The following CCNA1 variants were observed in gnomAD, a reference collection of about 807,000 sequenced individuals.
The protein encoded by CCNA1 is cyclin-A1.
A neutral mutation model predicts 54.1 loss-of-function variants in CCNA1; 23 were observed. That is an observed-to-expected ratio of 0.42 (90% CI 0.31 to 0.60). The LOEUF is 0.60. Ranked by LOEUF, CCNA1 falls within the 20% of genes least tolerant of loss-of-function variation. The probability of loss-of-function intolerance (pLI) is 0.14; values close to 1 mark genes in which losing one functional copy is unlikely to be tolerated. For missense variants in CCNA1, 450 were observed against 556.7 expected (o/e 0.81, Z 1.93); for synonymous variants, 208 against 213.9 (o/e 0.97, Z 0.24).
intron 3 of CCNA1, 92 bp downstream of exon 3, chr13:36,437,967 C>A: frequency 6.4e-7 from 1 of 1,567,658 alleles, no homozygotes; most frequent in Non-Finnish European, 8.7e-7. Context: ...AAGAGAAAAA[C>A]AGCAAGTAAT....
intron 6 of CCNA1, 106 bp from the exon 7 acceptor site, chr13:36,441,012 C>T (rs751870000): frequency 1.2e-5 from 7 of 580,336 alleles, no homozygotes; most frequent in Middle Eastern, 2.9e-4. Flanking sequence ...TTGTAGATGC[C>T]GACTGAACAA....
Position 36,438,793 on chromosome 13 carries a change from C to T in CCNA1, c.819C>T (p.Asp273=), listed in dbSNP as rs2055840995. 2 of 1,613,980 alleles carry T rather than the reference C, an allele frequency of 1.2e-6. No homozygotes were observed. Among genetic ancestry groups the T allele is most frequent in the Admixed American group, 1.7e-5 (1 of 59,998 alleles). Residue 273 remains aspartate, a synonymous_variant, in exon 5 of 9, where the codon GAC becomes GAT. Coordinates refer to ENST00000255465, the MANE Select transcript of CCNA1 (RefSeq NM_003914.4). ...TGTATCTGGCTGTCAACTTCCTGGA[C>T]AGGTTCCTTTCATGTATGTCTGTTC... is the stretch of plus-strand genomic sequence containing the variant.
chr13:36,440,996 C>G (rs535922980), intron 6 of CCNA1, 122 bp from the exon 7 acceptor site: 312 of 539,394 alleles, frequency 5.8e-4, no homozygotes, highest in African/African-American at 5.6e-3. Context: ...TTTTGAGCAT[C>G]TATTTTTGTA....
chr13:36,432,150 C>G (rs1278581373), upstream of CCNA1: 2 of 154,932 alleles, frequency 1.3e-5, no homozygotes, highest in African/African-American at 4.8e-5. Flanking sequence ...GCGGCGAGTC[C>G]ACCCGGAGCG....
At position 36,438,658 on chromosome 13, in the gene CCNA1, C is replaced by A; in HGVS notation, c.684C>A (p.Pro228=). 1.2e-6 allele frequency: 2 copies of A among 1,613,674 alleles called. No individual in the cohort carries two copies. The highest frequency in any genetic ancestry group is 1.7e-6 in the Non-Finnish European group (2 of 1,179,858). ...TTCCCAATCAGATAAGGCACAGACC[C>A]AAAGCACACTACATGAAGAAGCAGC... The change falls in exon 5 of 9, where the codon CCC becomes CCA. Residue 228 remains proline, a synonymous_variant. Coordinates refer to ENST00000255465, the MANE Select transcript of CCNA1 (RefSeq NM_003914.4).
intron 5 of CCNA1, 131 bp downstream of exon 5, chr13:36,438,998 A>T (rs571931472): frequency 2.9e-6 from 2 of 684,370 alleles, no homozygotes; most frequent in East Asian, 5.2e-5. Context: ...TTGATAAAAG[A>T]TCATCCTCTT....
At chr13:36,432,027 G>A (rs2055713668), upstream of CCNA1, 1 of 153,148 alleles carries the variant, frequency 6.5e-6, no homozygotes, top group Non-Finnish European at 1.5e-5. Flanking sequence ...CGGACCAGAG[G>A]GGACGTGTGC....
At chr13:36,432,875 C>T in intron 1 of CCNA1, 146 bp downstream of exon 1, 1 of 945,236 alleles carries the variant, frequency 1.1e-6, no homozygotes, top group Non-Finnish European at 1.6e-6. Context: ...CCTGTGCGGT[C>T]GCACCTGCCC....
chr13:36,438,630 CT>C lies in CCNA1; in HGVS notation c.670-10del. 1.2e-6 allele frequency: 2 copies of C among 1,600,654 alleles called. No individual in the cohort carries two copies. Among genetic ancestry groups the C allele is most frequent in the Non-Finnish European group, 1.7e-6 (2 of 1,169,576 alleles). Reference sequence around the variant, plus strand: ...AATTGCAACTACTAAATATCAAAACCTTTTCCCAATCAGATAAGGCACAGAC... The same window carrying C: ...AATTGCAACTACTAAATATCAAAACCTTTCCCAATCAGATAAGGCACAGAC... On this transcript the variant is annotated splice_polypyrimidine_tract_variant and intron_variant, in intron 4 of 8. Transcript: ENST00000255465.
At position 36,438,737 on chromosome 13, in the gene CCNA1, G is replaced by T; in HGVS notation, c.763G>T (p.Gly255Trp). The T allele has an allele frequency of 6.2e-7, 1 of 1,614,048 alleles. No homozygotes were observed. Among genetic ancestry groups the T allele is most frequent in the Non-Finnish European group, 8.5e-7 (1 of 1,179,978 alleles). ...TCTGGTGGACTGGCTGGTGGAGGTT[G>T]GGGAAGAATATAAACTTCGAGCAGA... is the stretch of plus-strand genomic sequence containing the variant. Residue 255 changes from glycine to tryptophan, a missense_variant, in exon 5 of 9, where the codon GGG becomes TGG. Physicochemically the swap from Gly to Trp is radical, Grantham distance 184. Transcript: ENST00000255465.
At chr13:36,437,914 TG>T in intron 3 of CCNA1, 39 bp downstream of exon 3, 1 of 1,597,148 alleles carries the variant, frequency 6.3e-7, no homozygotes, top group East Asian at 2.2e-5. Flanking sequence ...GATGGTACCC[TG>T]TATTTATAAC....
rs1566172155 is a variant in CCNA1 at position 36,438,171 on chromosome 13, CAGTACCTTAGGGA to C, written c.652_664del (p.Tyr218LeufsTer3). The C allele has an allele frequency of 6.2e-7, 1 of 1,613,528 alleles. No homozygotes were observed. On this transcript the variant is annotated frameshift_variant, in exon 4 of 9. Coordinates refer to ENST00000255465, the MANE Select transcript of CCNA1 (RefSeq NM_003914.4). LOFTEE classifies it high-confidence loss of function. ...GACTGAATATGCTGAAGAAATTTATCAGTACCTTAGGGAAGCTGAAGTAAGTTTTCCCACCTTC... is the reference window on the plus strand; with the variant it reads ...GACTGAATATGCTGAAGAAATTTATCAGCTGAAGTAAGTTTTCCCACCTTC...
At chr13:36,441,496 G>T (rs947421947) in intron 7 of CCNA1, among the ~76,000 whole-genome samples, 1 of 152,174 alleles carries the variant, frequency 6.6e-6, no homozygotes, top group African/African-American at 2.4e-5. Context: ...CTGTTATTCA[G>T]GGAGGGCCCT....
chr13:36,432,510 A>G lies in CCNA1; in HGVS notation c.-112A>G, dbSNP rs998083835. On this transcript the variant is annotated 5_prime_UTR_variant, in exon 1 of 9. Transcript: ENST00000255465. ...TGCACTTGCCAGTTGTTCCGGACAC[A>G]TAGAAAGATAACGACGGGAAGAGCG... 9 of 609,020 alleles carry G rather than the reference A, an allele frequency of 1.5e-5. No homozygotes were observed. The highest frequency in any genetic ancestry group is 2.0e-5 in the Non-Finnish European group (7 of 345,828). The allele number at this position is 609,020 out of a possible 1,614,324, so 37.7% of individuals were successfully genotyped here.
At position 36,442,636 on chromosome 13, in the gene CCNA1, G is replaced by C. The variant is rs2055889380; in HGVS notation, c.1369G>C (p.Glu457Gln). ...CAGGTACCTGTGTGTGTCCCTCATG[G>C]AGCCACCTGCAGTTCTTCTTCTACA... The change falls in exon 9 of 9, where the codon GAG becomes CAG. Residue 457 changes from glutamate (E) to glutamine (Q), a missense_variant. Glu to Gln is a conservative substitution (Grantham distance 29, BLOSUM62 2). This residue lies in a region of CCNA1 where 53 missense variants were observed against 50.1 expected (regional missense o/e 1.06). Coordinates refer to ENST00000255465, the MANE Select transcript of CCNA1 (RefSeq NM_003914.4). 27 of 1,614,052 alleles carry C rather than the reference G, an allele frequency of 1.7e-5. No individual in the cohort carries two copies. Among genetic ancestry groups the C allele is most frequent in the Non-Finnish European group, 2.2e-5 (26 of 1,179,972 alleles).
intron 1 of CCNA1, 143 bp downstream of exon 1, chr13:36,432,872 G>A (rs1248312742): frequency 2.1e-6 from 2 of 941,446 alleles, no homozygotes; most frequent in South Asian, 1.5e-5. Flanking sequence ...TCGCCTGTGC[G>A]GTCGCACCTG....
In CCNA1 at chr13:36,442,740, G is replaced by C; in HGVS notation, c.*75G>C. The C allele has an allele frequency of 1.7e-6, 2 of 1,188,612 alleles. No homozygotes were observed. Among genetic ancestry groups the C allele is most frequent in the East Asian group, 4.7e-5 (2 of 42,868 alleles). 73.6% of individuals were successfully genotyped at this position (1,188,612 alleles called of 1,614,324 possible). Reference sequence around the variant, plus strand: ...CAATAATCGTCATAGGCTTCTGCACGTTGGATCAACTAATGTTGTTTACAA... The same window carrying C: ...CAATAATCGTCATAGGCTTCTGCACCTTGGATCAACTAATGTTGTTTACAA... On this transcript the variant is annotated 3_prime_UTR_variant, in exon 9 of 9. Coordinates refer to ENST00000255465, the MANE Select transcript of CCNA1 (RefSeq NM_003914.4).
rs758497518 is a variant in CCNA1, at chr13:36,438,709, G to A, written c.735G>A (p.Thr245=). 5.0e-6 allele frequency: 8 copies of A among 1,613,978 alleles called. No homozygotes were observed. In the East Asian group the frequency reaches 6.7e-5, roughly 13 times the overall value. ...CAGACATCACGGAAGGCATGCGCAC[G>A]ATTCTGGTGGACTGGCTGGTGGAGG... is the stretch of plus-strand genomic sequence containing the variant. The change falls in exon 5 of 9, where the codon ACG becomes ACA. Residue 245 remains threonine, a synonymous_variant. Transcript: ENST00000255465.
chr13:36,434,455 C>CT (rs1338995385), intron 2 of CCNA1, among the ~76,000 whole-genome samples: 2 of 152,074 alleles, frequency 1.3e-5, no homozygotes, highest in Non-Finnish European at 2.9e-5. Context: ...TTTTAATTTG[C>CT]TTAGCAATGT....
Sources: allele counts gnomAD v4.1 joint callset (sites outside exome capture counted in the v4.1 genomes callset), GRCh38; gene constraint gnomAD v4.1.1; regional missense constraint gnomAD v4.1.1; transcripts MANE v1.5; gene names NCBI Gene and HGNC (gene_info 2026-07-23, HGNC 2026-07-21).